Variants in SLCO3A1 observed in about 807,000 individuals in gnomAD.
SLCO3A1 encodes the protein solute carrier organic anion transporter family member 3A1, also known as PGE1 transporter.
In SLCO3A1, 27 loss-of-function variants were observed where a neutral mutation model predicts 63.1. That is an observed-to-expected ratio of 0.43 (90% confidence interval 0.32 to 0.59). The LOEUF (loss-of-function observed/expected upper bound fraction) is 0.59, where lower values mean the gene tolerates loss of function less well. Ranked by LOEUF, SLCO3A1 falls within the 20% of genes least tolerant of loss-of-function variation. The pLI is 0.09. For missense variants in SLCO3A1, 773 were observed against 945.8 expected (o/e 0.82, Z 2.40); for synonymous variants, 473 against 409.9 (o/e 1.15, Z -1.86).
chr15:91,887,963 T>C (rs896021774), intron 1 of SLCO3A1, among the ~76,000 whole-genome samples: 3 of 152,224 alleles, frequency 2.0e-5, no homozygotes, highest in African/African-American at 7.2e-5. Flanking sequence ...CATAATTAGT[T>C]TTCTCAGGCA....
At chr15:91,874,671 T>C (rs1897356863) in intron 1 of SLCO3A1, among the ~76,000 whole-genome samples, 1 of 152,256 alleles carries the variant, frequency 6.6e-6, no homozygotes, top group Non-Finnish European at 1.5e-5. Flanking sequence ...TTCCACATGT[T>C]GGCTATTGTG....
At chr15:91,980,392 C>T (rs1294270419) in intron 2 of SLCO3A1, among the ~76,000 whole-genome samples, 1 of 150,314 alleles carries the variant, frequency 6.7e-6, no homozygotes, top group Non-Finnish European at 1.5e-5. Context: ...ACTGGAGAGG[C>T]AAGAGTTTGG....
intron 2 of SLCO3A1, among the ~76,000 whole-genome samples, chr15:92,025,628 G>T (rs918718410): frequency 2.0e-5 from 3 of 152,184 alleles, no homozygotes; most frequent in African/African-American, 7.2e-5. Context: ...CCACATGTGA[G>T]CAAACTGAGG....
intron 2 of SLCO3A1, among the ~76,000 whole-genome samples, chr15:92,062,723 CT>C (rs1567097598): frequency 1.3e-5 from 2 of 152,150 alleles, no homozygotes. Flanking sequence ...AGGTCACTCT[CT>C]CGGGCTCCGG....
chr15:92,030,819 A>G lies in SLCO3A1; in HGVS notation c.647-64062A>G, dbSNP rs368670203. 1.5e-4 allele frequency among the ~76,000 whole-genome samples: 23 copies of G among 152,120 alleles called. 1 individual carries two copies. The highest frequency in any genetic ancestry group is 1.2e-3 in the East Asian group (6 of 5,192). On this transcript the variant is annotated intron_variant, in intron 2 of 9. Coordinates refer to ENST00000318445, the MANE Select transcript of SLCO3A1 (RefSeq NM_013272.4). The stretch of plus-strand genomic sequence containing the variant: ...GCATTCTAAGTACACCGGTGAGTAC[A>G]CTACTGAACTACGTGTTGAGATGGG...
intron 2 of SLCO3A1, among the ~76,000 whole-genome samples, chr15:91,918,479 C>G (rs1427471919): frequency 1.3e-5 from 2 of 152,148 alleles, no homozygotes; most frequent in African/African-American, 2.4e-5. Context: ...CTGGGTTTCT[C>G]TGCACTGGTT....
chr15:92,145,115 T>C lies in SLCO3A1; in HGVS notation c.1513-1869T>C, dbSNP rs1260924570. Among the ~76,000 whole-genome samples, 3 of 151,888 alleles carry C rather than the reference T, an allele frequency of 2.0e-5. No homozygotes were observed. In the South Asian group the frequency reaches 6.2e-4, roughly 32 times the overall value. On this transcript the variant is annotated intron_variant, in intron 7 of 9. Coordinates refer to ENST00000318445, the MANE Select transcript of SLCO3A1 (RefSeq NM_013272.4). Reference sequence around the variant, plus strand: ...GCAAGGGGCCTGTGCTCCTGGGAGCTCCGGGGAGAGAAAAATGCATGGTGG... The same window carrying C: ...GCAAGGGGCCTGTGCTCCTGGGAGCCCCGGGGAGAGAAAAATGCATGGTGG...
At chr15:92,104,624 A>C in intron 4 of SLCO3A1, 82 bp downstream of exon 4, 1 of 1,406,842 alleles carries the variant, frequency 7.1e-7, no homozygotes, top group Non-Finnish European at 9.6e-7. Context: ...GGCACCCAGG[A>C]CTGGGGTGCT....
chr15:91,900,833 G>A lies in SLCO3A1; in HGVS notation c.181-15160G>A, dbSNP rs75810642. Reference sequence around the variant, plus strand: ...TTGTTTGTCATTTTACTGTTGATTTGTAAGGTTGGTAGGTAGTTTTGTTCA... The same window carrying A: ...TTGTTTGTCATTTTACTGTTGATTTATAAGGTTGGTAGGTAGTTTTGTTCA... On this transcript the variant is annotated intron_variant, in intron 1 of 9. Coordinates refer to ENST00000318445, the MANE Select transcript of SLCO3A1 (RefSeq NM_013272.4). The surrounding 1 kb of genome is among the most constrained non-coding windows in gnomAD (Gnocchi z 4.3). 7.0e-4 allele frequency among the ~76,000 whole-genome samples: 107 copies of A among 152,278 alleles called. No individual in the cohort carries two copies. The highest frequency in any genetic ancestry group is 1.3e-3 in the Non-Finnish European group (86 of 68,024).
intron 1 of SLCO3A1, among the ~76,000 whole-genome samples, chr15:91,866,264 T>C (rs2141847858): frequency 6.6e-6 from 1 of 152,286 alleles, no homozygotes; most frequent in South Asian, 2.1e-4. Flanking sequence ...TATGTGTTTG[T>C]GTATTTACTG....
chr15:91,904,415 C>T (rs1477199577), intron 1 of SLCO3A1, among the ~76,000 whole-genome samples: 4 of 152,080 alleles, frequency 2.6e-5, no homozygotes, highest in African/African-American at 7.2e-5. Flanking sequence ...TTTGCAGGTG[C>T]GTGATACATT....
intron 2 of SLCO3A1, among the ~76,000 whole-genome samples, chr15:91,920,157 C>T (rs771746238): frequency 8.5e-5 from 13 of 152,092 alleles, no homozygotes; most frequent in Non-Finnish European, 1.3e-4. Flanking sequence ...ACTGTGATTC[C>T]GAGAGGTTGA....
intron 1 of SLCO3A1, among the ~76,000 whole-genome samples, chr15:91,887,695 T>G (rs140574760): frequency 1.3e-5 from 2 of 152,336 alleles, no homozygotes; most frequent in East Asian, 3.9e-4. Flanking sequence ...CTTTTATGTG[T>G]CTTTTTGATG....
chr15:92,058,455 C>A (rs1443498246), intron 2 of SLCO3A1, among the ~76,000 whole-genome samples: 1 of 152,088 alleles, frequency 6.6e-6, no homozygotes, highest in Admixed American at 6.6e-5. Context: ...AGGGAATGGC[C>A]TTCAGATGAC....
chr15:91,966,102 A>T (rs1900650398), intron 2 of SLCO3A1, among the ~76,000 whole-genome samples: 1 of 152,178 alleles, frequency 6.6e-6, no homozygotes. Context: ...TGCCCAGCGA[A>T]TTATGGGCAG....
chr15:92,076,317 C>T (rs752915363), intron 2 of SLCO3A1, among the ~76,000 whole-genome samples: 47 of 152,140 alleles, frequency 3.1e-4, no homozygotes, highest in Admixed American at 8.5e-4. Flanking sequence ...TCTGCCCTTC[C>T]CAGTCAGAAC....
At chr15:92,056,195 G>T (rs1337149661) in intron 2 of SLCO3A1, among the ~76,000 whole-genome samples, 2 of 152,030 alleles carry the variant, frequency 1.3e-5, no homozygotes, top group Admixed American at 6.5e-5. Flanking sequence ...TCCAGGTTCC[G>T]GTTCCTTCGT....
At chr15:91,999,796 A>G (rs549166574) in intron 2 of SLCO3A1, among the ~76,000 whole-genome samples, 5 of 152,282 alleles carry the variant, frequency 3.3e-5, no homozygotes, top group Non-Finnish European at 5.9e-5. Flanking sequence ...TGTCTCTGAG[A>G]AAAAAAATTG....
chr15:91,927,757 T>C (rs937206828), intron 2 of SLCO3A1, among the ~76,000 whole-genome samples: 16 of 152,208 alleles, frequency 1.1e-4, no homozygotes, highest in African/African-American at 3.9e-4. Context: ...CCACCTGCCT[T>C]GTGGGTTGTT....
Sources: allele counts gnomAD v4.1 joint callset (sites outside exome capture counted in the v4.1 genomes callset), GRCh38; gene constraint gnomAD v4.1.1; non-coding constraint Gnocchi (gnomAD v3.1); transcripts MANE v1.5; gene names NCBI Gene and HGNC (gene_info 2026-07-23, HGNC 2026-07-21).